Variants in AGRN observed in about 807,000 individuals in gnomAD.
AGRN encodes agrin, also known as agrin proteoglycan.
In AGRN, 106 loss-of-function variants were observed where a neutral mutation model predicts 211.0. The observed-to-expected ratio is 0.50, with a 90% CI of 0.43 to 0.59. The LOEUF is 0.59. Ranked by LOEUF, AGRN falls within the 20% of genes least tolerant of loss-of-function variation. AGRN has a pLI of 0.00. For missense variants in AGRN, 3,040 were observed against 2,982.6 expected (o/e 1.02, Z -0.45); for synonymous variants, 1,525 against 1,332.5 (o/e 1.14, Z -3.15).
intron 3 of AGRN, among the ~76,000 whole-genome samples, chr1:1,039,420 T>C (rs1026583750): frequency 2.5e-5 from 3 of 117,796 alleles, no homozygotes; most frequent in Non-Finnish European, 5.5e-5. Flanking sequence ...ATGGGGGGGG[T>C]TCCTCCTGCC....
At chr1:1,050,065 G>T (rs776019048) in intron 27 of AGRN, 28 bp downstream of exon 27, 3 of 1,300,684 alleles carry the variant, frequency 2.3e-6, no homozygotes, top group Non-Finnish European at 3.0e-6. Context: ...CTCGGGGCAG[G>T]GGGGGGGGGG....
intron 12 of AGRN, 147 bp from the exon 13 acceptor site, chr1:1,045,014 C>T (rs939818839): frequency 5.0e-6 from 4 of 797,132 alleles, no homozygotes; most frequent in Admixed American, 2.1e-5. Context: ...TCACCTGTGT[C>T]CTCAGCCCCA....
At position 1,047,452 on chromosome 1, in the gene AGRN, A is replaced by G; in HGVS notation, c.3514A>G (p.Thr1172Ala). ...FGETARSIESTLDDLFRNSDV... is the reference protein window; with the variant it reads ...FGETARSIESALDDLFRNSDV... ...GGAGACAGCCAGGAGCATTGAGAGC[A>G]CCGTAAGACGGGGGCGCAGCCCCCA... Residue 1172 changes from threonine to alanine, a missense_variant and splice_region_variant, in exon 20 of 36, where the codon ACC (threonine) becomes GCC (alanine). Thr to Ala is a moderately conservative substitution (Grantham distance 58). Around this residue, in one of 3 missense-constraint regions of AGRN, gnomAD observed 1,537 missense variants for 1,505.0 expected, o/e 1.02. Transcript: ENST00000379370. The G allele has an allele frequency of 1.9e-6, 3 of 1,612,700 alleles. No individual in the cohort carries two copies. Among genetic ancestry groups the G allele is most frequent in the Non-Finnish European group, 2.5e-6 (3 of 1,179,928 alleles).
rs779576677 is a variant in AGRN, at chr1:1,041,559, G to A, written c.1034G>A (p.Arg345Gln). 1.2e-6 allele frequency: 2 copies of A among 1,608,944 alleles called. No homozygotes were observed. Among genetic ancestry groups the A allele is most frequent in the African/African-American group, 1.3e-5 (1 of 74,884 alleles). ...PRTRRPEMLL[R>Q]PESCPARQAP... is the part of the protein sequence containing the mutation. ...ACGCGGCGCCCTGAGATGCTCCTAC[G>A]GCCCGAGAGCTGCCCTGCCCGGCAG... The change falls in exon 6 of 36, where the codon CGG becomes CAG. Residue 345 changes from arginine to glutamine, a missense_variant. By Grantham distance (43) the Arg-to-Gln change is conservative (BLOSUM62 1). Coordinates refer to ENST00000379370, the MANE Select transcript of AGRN (RefSeq NM_198576.4).
intron 28 of AGRN, 21 bp from the exon 29 acceptor site, chr1:1,050,406 C>T (rs767966700): frequency 1.1e-5 from 17 of 1,612,716 alleles, no homozygotes; most frequent in Middle Eastern, 1.7e-4. Context: ...GCAAAGACAC[C>T]CCGACTCCCC....
chr1:1,047,560 C>A lies in AGRN; in HGVS notation c.3517-13C>A, dbSNP rs1557712844. On this transcript the variant is annotated splice_polypyrimidine_tract_variant and intron_variant, in intron 20 of 35. Transcript: ENST00000379370. ...GGGCGGCCCCCCAAGTCCTTGCCTA[C>A]TCCCTGCCACAGCTGGACGACCTCT... 1 of 1,612,538 alleles carries A rather than the reference C, an allele frequency of 6.2e-7. No individual in the cohort carries two copies. Among genetic ancestry groups the A allele is most frequent in the Non-Finnish European group, 8.5e-7 (1 of 1,179,712 alleles).
Position 1,043,224 on chromosome 1 carries a change from C to G in AGRN, c.1385-15C>G, listed in dbSNP as rs1570204305. The G allele has an allele frequency of 5.7e-6, 2 of 351,846 alleles. No homozygotes were observed. Among genetic ancestry groups the G allele is most frequent in the Non-Finnish European group, 8.7e-6 (2 of 230,300 alleles). The allele number at this position is 351,846 out of a possible 1,614,324, so 21.8% of individuals were successfully genotyped here. On this transcript the variant is annotated splice_polypyrimidine_tract_variant and intron_variant, in intron 7 of 35. Coordinates refer to ENST00000379370, the MANE Select transcript of AGRN (RefSeq NM_198576.4). ...GGGGGCTTGTGGGACCACTGAGCCC[C>G]TGTGTCCTTCCCAGACCAGGCCCCG...
rs370225289 is a variant in AGRN at position 1,044,418 on chromosome 1, G to T, written c.2233G>T (p.Ala745Ser). The change falls in exon 12 of 36, where the codon GCG (alanine) becomes TCG (serine). Residue 745 changes from alanine (A) to serine (S), a missense_variant. Ala to Ser is a moderately conservative substitution (Grantham distance 99). Coordinates refer to ENST00000379370, the MANE Select transcript of AGRN (RefSeq NM_198576.4). ...TGAGTCACAGCGAGGGCTCTACGTA[G>T]CGGCCCAGGGAGCCTGCCGAGGTGA... is the stretch of plus-strand genomic sequence containing the variant. ...RCESQRGLYV[A>S]AQGACRGPTF... 1 of 1,610,996 alleles carries T rather than the reference G, an allele frequency of 6.2e-7. No homozygotes were observed. Among genetic ancestry groups the T allele is most frequent in the African/African-American group, 1.3e-5 (1 of 74,890 alleles).
chr1:1,037,543 G>A (rs1644830181), intron 3 of AGRN, among the ~76,000 whole-genome samples: 2 of 152,204 alleles, frequency 1.3e-5, no homozygotes, highest in South Asian at 2.1e-4. Context: ...CGCCTCCAGC[G>A]TTGCACACAG....
chr1:1,028,538 CAAG>C (rs1644574347), intron 2 of AGRN, among the ~76,000 whole-genome samples: 12 of 140,920 alleles, frequency 8.5e-5, no homozygotes, highest in African/African-American at 7.7e-5. Flanking sequence ...CCTCATGGGC[CAAG>C]GGCACCCACA....
intron 2 of AGRN, among the ~76,000 whole-genome samples, chr1:1,025,646 C>G (rs1644504927): frequency 6.6e-6 from 1 of 152,136 alleles, no homozygotes; most frequent in Non-Finnish European, 1.5e-5. Context: ...CCATGAGCCC[C>G]TCTCTGGCCC....
chr1:1,030,484 C>CTG (rs1172805216), intron 2 of AGRN, among the ~76,000 whole-genome samples: 2 of 65,296 alleles, frequency 3.1e-5, no homozygotes, highest in South Asian at 5.3e-4. Context: ...GTGCATGGTG[C>CTG]TGTGAGATCA....
At chr1:1,053,592 TC>T in intron 33 of AGRN, 160 bp from the exon 34 acceptor site, 1 of 1,500,020 alleles carries the variant, frequency 6.7e-7, no homozygotes, top group East Asian at 2.5e-5. Context: ...CCTGTCTCCA[TC>T]CCTCTTCTCC....
intron 2 of AGRN, among the ~76,000 whole-genome samples, chr1:1,033,455 G>T (rs1002274484): frequency 6.6e-6 from 1 of 150,954 alleles, no homozygotes; most frequent in South Asian, 2.1e-4. Context: ...GCGCGGACCC[G>T]CCCGGCCCAG....
Position 1,049,586 on chromosome 1 carries a change from T to C in AGRN, c.4535T>C (p.Val1512Ala). Residue 1512 changes from valine to alanine, a missense_variant, in exon 26 of 36, where the codon GTG becomes GCG. Physicochemically the swap from Val to Ala is moderately conservative, Grantham distance 64. Around this residue, in one of 3 missense-constraint regions of AGRN, gnomAD observed 1,537 missense variants for 1,505.0 expected, o/e 1.02. Transcript: ENST00000379370. The part of the protein sequence containing the change: ...QAAVALERTF[V>A]GAGLRGCIRL... ...GGCAGGGCGCTGGAGCGGACCTTCG[T>C]GGGCGCCGGCCTGAGGGGGTGCATC... The C allele has an allele frequency of 6.3e-7, 1 of 1,590,420 alleles. No homozygotes were observed. Among genetic ancestry groups the C allele is most frequent in the Non-Finnish European group, 8.5e-7 (1 of 1,169,600 alleles).
chr1:1,044,987 C>T (rs536039935), intron 12 of AGRN, among the ~76,000 whole-genome samples, 174 bp from the exon 13 acceptor site: 7 of 152,302 alleles, frequency 4.6e-5, no homozygotes, highest in South Asian at 4.1e-4. Flanking sequence ...CATGTTCTTG[C>T]GTAAGATGTG....
In AGRN at chr1:1,030,532, C is replaced by T. The variant is rs1361522491; in HGVS notation, c.464-4745C>T. Among the ~76,000 whole-genome samples the T allele has an allele frequency of 6.2e-4, 60 of 96,408 alleles. 1 individual carries two copies. The highest frequency in any genetic ancestry group is 9.7e-4 in the Non-Finnish European group (47 of 48,272). 63.2% of individuals were successfully genotyped at this position (96,408 alleles called of 152,430 possible). A position where few individuals can be genotyped will look rare whatever the true frequency, so the allele number is the denominator to read the frequency against. ...AGCGCATGGTGCTGTGTGAGATCAG[C>T]GTGTGTGTGTGCAGCGCATGGTGCT... On this transcript the variant is annotated intron_variant, in intron 2 of 35. Coordinates refer to ENST00000379370, the MANE Select transcript of AGRN (RefSeq NM_198576.4).
At chr1:1,020,520 G>A (rs1385588526) in intron 1 of AGRN, 147 bp downstream of exon 1, 32 of 745,376 alleles carry the variant, frequency 4.3e-5, no homozygotes, top group Non-Finnish European at 5.8e-5. Flanking sequence ...AGGGGGGGTC[G>A]CCGGGTCCCG....
At chr1:1,035,999 A>C (rs1644796688) in intron 3 of AGRN, among the ~76,000 whole-genome samples, 1 of 152,122 alleles carries the variant, frequency 6.6e-6, no homozygotes, top group African/African-American at 2.4e-5. Flanking sequence ...GCAGAGGAAC[A>C]CAGACGGGGG....
Sources: allele counts gnomAD v4.1 joint callset (sites outside exome capture counted in the v4.1 genomes callset), GRCh38; gene constraint gnomAD v4.1.1; regional missense constraint gnomAD v4.1.1; transcripts MANE v1.5; gene names NCBI Gene and HGNC (gene_info 2026-07-23, HGNC 2026-07-21).